The following REPS1 variants were observed in gnomAD, a reference collection of about 807,000 sequenced individuals.
The protein encoded by REPS1 is ralBP1-associated Eps domain-containing protein 1.
REPS1 carries 39 observed loss-of-function variants against 100.9 expected under a neutral mutation model. The observed-to-expected ratio is 0.39, with a 90% CI of 0.30 to 0.50. The LOEUF (loss-of-function observed/expected upper bound fraction) is 0.50. Among genes scored for constraint, REPS1 ranks in the 20% least tolerant of loss-of-function variants. The pLI, the probability that REPS1 is intolerant of heterozygous loss-of-function variation, is 0.86. For missense variants in REPS1, 821 were observed against 968.5 expected (o/e 0.85, Z 2.02); for synonymous variants, 324 against 340.3 (o/e 0.95, Z 0.53).
At chr6:138,975,759 G>C (rs1203657966) in intron 1 of REPS1, among the ~76,000 whole-genome samples, 1 of 152,112 alleles carries the variant, frequency 6.6e-6, no homozygotes, top group African/African-American at 2.4e-5. Flanking sequence ...ACTTGAACCT[G>C]GGAGGCAGAG....
At chr6:138,935,409 T>C (rs1562532100) in intron 8 of REPS1, among the ~76,000 whole-genome samples, 1 of 152,184 alleles carries the variant, frequency 6.6e-6, no homozygotes. Context: ...GAGGTTCCTA[T>C]TATCCAAAGA....
At chr6:138,984,991 T>C (rs1265131608) in intron 1 of REPS1, among the ~76,000 whole-genome samples, 1 of 152,142 alleles carries the variant, frequency 6.6e-6, no homozygotes, top group East Asian at 1.9e-4. Context: ...ACTGAAAGAG[T>C]GTCATTCCTT....
intron 16 of REPS1, 123 bp downstream of exon 16, chr6:138,912,642 G>A: frequency 2.2e-6 from 2 of 903,868 alleles, no homozygotes; most frequent in South Asian, 1.4e-5. Context: ...TAAAAAAGAT[G>A]AGAAGCACTG....
At chr6:138,910,289 G>T (rs1779920211) in intron 17 of REPS1, among the ~76,000 whole-genome samples, 1 of 152,176 alleles carries the variant, frequency 6.6e-6, no homozygotes, top group African/African-American at 2.4e-5. Flanking sequence ...GTTTCCTGAG[G>T]CTTCACAAGA....
intron 1 of REPS1, among the ~76,000 whole-genome samples, chr6:138,977,561 G>C (rs1278930683): frequency 1.3e-5 from 2 of 152,014 alleles, no homozygotes; most frequent in Non-Finnish European, 2.9e-5. Flanking sequence ...ACATGTTTTT[G>C]ACATTCATGT....
chr6:138,987,734 G>A lies in REPS1; in HGVS notation c.-52C>T. ...GCCCCGCATGCACTACTCGGGGCCC[G>A]GCCCCAGGAACCTGGGCCGGCAGGG... is the stretch of plus-strand genomic sequence containing the variant. On this transcript the variant is annotated 5_prime_UTR_variant, in exon 1 of 20. Coordinates refer to ENST00000450536, the MANE Select transcript of REPS1 (RefSeq NM_001286611.2). 2 of 1,460,596 alleles carry A rather than the reference G, an allele frequency of 1.4e-6. No individual in the cohort carries two copies. Among genetic ancestry groups the A allele is most frequent in the South Asian group, 1.4e-5 (1 of 72,366 alleles). The allele number at this position is 1,460,596 out of a possible 1,614,324, so 90.5% of individuals were successfully genotyped here. A position where few individuals can be genotyped will look rare whatever the true frequency, so the allele number is the denominator to read the frequency against.
At chr6:138,986,280 A>C (rs1490525197) in intron 1 of REPS1, among the ~76,000 whole-genome samples, 1 of 152,238 alleles carries the variant, frequency 6.6e-6, no homozygotes, top group Non-Finnish European at 1.5e-5. Context: ...CTGGCACGTA[A>C]GACATCCCAC....
chr6:138,971,979 T>C (rs758826805), intron 1 of REPS1, among the ~76,000 whole-genome samples: 5 of 152,150 alleles, frequency 3.3e-5, no homozygotes, highest in Non-Finnish European at 5.9e-5. Flanking sequence ...GTTCTGCACA[T>C]CAAGAAAGAA....
At chr6:138,959,848 G>T (rs1307974422) in intron 1 of REPS1, among the ~76,000 whole-genome samples, 1 of 152,146 alleles carries the variant, frequency 6.6e-6, no homozygotes, top group African/African-American at 2.4e-5. Flanking sequence ...TTAATGTTCA[G>T]AACAATCCTC....
intron 1 of REPS1, among the ~76,000 whole-genome samples, chr6:138,955,320 C>T (rs901098635): frequency 1.3e-5 from 2 of 151,650 alleles, no homozygotes; most frequent in South Asian, 2.1e-4. Flanking sequence ...TGTGATGGCA[C>T]ACCTGTAGTG....
At chr6:138,930,406 T>C (rs1420320714) in intron 8 of REPS1, among the ~76,000 whole-genome samples, 1 of 152,186 alleles carries the variant, frequency 6.6e-6, no homozygotes, top group Non-Finnish European at 1.5e-5. Context: ...CAGAAATAGA[T>C]TTATACCAGT....
chr6:138,923,147 TAA>T (rs1318579611), intron 10 of REPS1, among the ~76,000 whole-genome samples: 1 of 152,210 alleles, frequency 6.6e-6, no homozygotes, highest in Non-Finnish European at 1.5e-5. Context: ...CTTATAATAA[TAA>T]GTCATTCTCA....
At chr6:138,948,734 G>A (rs1264722066) in intron 1 of REPS1, among the ~76,000 whole-genome samples, 1 of 152,120 alleles carries the variant, frequency 6.6e-6, no homozygotes, top group African/African-American at 2.4e-5. Flanking sequence ...ACAAACTTTT[G>A]TATAGAGAGA....
chr6:138,967,604 C>G (rs1049516497), intron 1 of REPS1, among the ~76,000 whole-genome samples: 1 of 152,098 alleles, frequency 6.6e-6, no homozygotes, highest in Non-Finnish European at 1.5e-5. Flanking sequence ...TTCCTGAAGA[C>G]TTTCTTATTC....
At position 138,920,224 on chromosome 6, in the gene REPS1, T is replaced by C. The variant is rs746728315; in HGVS notation, c.1519A>G (p.Asn507Asp). 19 of 1,546,738 alleles carry C rather than the reference T, an allele frequency of 1.2e-5. No individual in the cohort carries two copies. The highest frequency in any genetic ancestry group is 1.6e-5 in the Non-Finnish European group (18 of 1,118,836). The change falls in exon 12 of 20, where the codon AAT (asparagine) becomes GAT (aspartate). Residue 507 changes from asparagine (N) to aspartate (D), a missense_variant. Asn to Asp is a conservative substitution (Grantham distance 23, BLOSUM62 1). Coordinates refer to ENST00000450536, the MANE Select transcript of REPS1 (RefSeq NM_001286611.2). Reference protein sequence around the residue: ...INSSVKFASGNTVADGYSSSD... With the variant: ...INSSVKFASGDTVADGYSSSD... ...GTAATACTTCACTTACCTACAGTAT[T>C]ACCAGAAGCGAATTTCACCGATGAA... is the stretch of plus-strand genomic sequence containing the variant.
chr6:138,987,371 A>AGT (rs1327839077), intron 1 of REPS1, among the ~76,000 whole-genome samples, 159 bp downstream of exon 1: 2 of 152,070 alleles, frequency 1.3e-5, no homozygotes, highest in Non-Finnish European at 2.9e-5. Context: ...CCGCGGCGCG[A>AGT]GTCCAGGCCT....
chr6:138,942,212 C>A lies in REPS1; in HGVS notation c.981-723G>T, dbSNP rs915958573. ...TAAAACAGAAATACAGCCACTCCACCTTGCTGTCTATGCCCTTTCCTAGAT... is the reference window on the plus strand; with the variant it reads ...TAAAACAGAAATACAGCCACTCCACATTGCTGTCTATGCCCTTTCCTAGAT... On this transcript the variant is annotated intron_variant, in intron 7 of 19. Transcript: ENST00000450536. Among the ~76,000 whole-genome samples the A allele has an allele frequency of 5.9e-5, 9 of 152,286 alleles. No homozygotes were observed. The South Asian group carries it at 1.7e-3, about 28-fold the overall frequency.
chr6:138,949,196 G>T (rs916117894), intron 1 of REPS1, among the ~76,000 whole-genome samples: 1 of 152,096 alleles, frequency 6.6e-6, no homozygotes, highest in Non-Finnish European at 1.5e-5. Context: ...GCTAGACAGA[G>T]GGAAGACCTA....
chr6:138,947,932 T>C lies in REPS1; in HGVS notation c.154-19A>G. The C allele has an allele frequency of 6.4e-7, 1 of 1,564,112 alleles. No individual in the cohort carries two copies. Among genetic ancestry groups the C allele is most frequent in the South Asian group, 1.2e-5 (1 of 81,928 alleles). On this transcript the variant is annotated intron_variant, in intron 1 of 19. Transcript: ENST00000450536. ...CCATGATCTATAAAATAACATAATGTTAACATTAAGATTCACAACAAAAAT... is the reference window on the plus strand; with the variant it reads ...CCATGATCTATAAAATAACATAATGCTAACATTAAGATTCACAACAAAAAT...
Sources: gnomAD v4.1 joint callset for allele counts (sites outside exome capture counted in the v4.1 genomes callset) on GRCh38, gnomAD v4.1.1 for gene constraint, MANE v1.5 for transcripts, NCBI Gene and HGNC (gene_info 2026-07-23, HGNC 2026-07-21) for gene names.